Variants in ANK3 observed in about 807,000 individuals in gnomAD.
The protein encoded by ANK3 is ankyrin 3, also known as ankyrin-3.
In ANK3, 57 loss-of-function variants were observed where a neutral mutation model predicts 370.9. That is an observed-to-expected ratio of 0.15 (90% CI 0.12 to 0.19). The LOEUF is 0.19. ANK3 is among the 10% of genes least tolerant of loss of function. ANK3 has a pLI of 1.00. For missense variants in ANK3, 4,439 were observed against 5,302.1 expected, an observed-to-expected ratio of 0.84 and a Z score of 5.06; for synonymous variants, 1,929 against 1,946.3, an observed-to-expected ratio of 0.99 and a Z score of 0.23.
At chr10:60,286,124 C>T (rs1220454820) in intron 1 of ANK3, among the ~76,000 whole-genome samples, 1 of 152,146 alleles carries the variant, frequency 6.6e-6, no homozygotes, top group Non-Finnish European at 1.5e-5. Context: ...CCCACATACC[C>T]TCTTTTCAGC....
At chr10:60,617,686 C>G (rs2078283762) in intron 1 of ANK3, among the ~76,000 whole-genome samples, 2 of 152,150 alleles carry the variant, frequency 1.3e-5, no homozygotes, top group South Asian at 4.1e-4. Flanking sequence ...ACAGTATAAA[C>G]TTTATAGAGC....
At chr10:60,162,617 C>T (rs1033093125) in intron 23 of ANK3, among the ~76,000 whole-genome samples, 1 of 152,080 alleles carries the variant, frequency 6.6e-6, no homozygotes, top group African/African-American at 2.4e-5. Flanking sequence ...CAAACTTATA[C>T]CTACTTGATA....
upstream of ANK3, among the ~76,000 whole-genome samples, chr10:60,394,779 C>G (rs1020957236): frequency 1.3e-5 from 2 of 152,180 alleles, no homozygotes; most frequent in Non-Finnish European, 2.9e-5. Context: ...GAACCACATG[C>G]CACTTCCTCT....
chr10:60,522,749 AT>A (rs2133184746), intron 2 of ANK3, among the ~76,000 whole-genome samples: 1 of 152,252 alleles, frequency 6.6e-6, no homozygotes, highest in South Asian at 2.1e-4. Context: ...GTTAAAGGAT[AT>A]TTTTAAAGAC....
chr10:60,268,458 A>G (rs1248898835), intron 5 of ANK3, among the ~76,000 whole-genome samples: 1 of 152,184 alleles, frequency 6.6e-6, no homozygotes, highest in African/African-American at 2.4e-5. Flanking sequence ...TTGTATAAAT[A>G]TATGAACATT....
At position 60,551,239 on chromosome 10, in the gene ANK3, C is replaced by T. The variant is rs1159125129; in HGVS notation, c.96+63947G>A. ...TCAAAATGAAAAGGCATGGTCAATACATTCAATAACAGATCAAAGAACAAC... is the reference window on the plus strand; with the variant it reads ...TCAAAATGAAAAGGCATGGTCAATATATTCAATAACAGATCAAAGAACAAC... On this transcript the variant is annotated intron_variant, in intron 2 of 43. Coordinates refer to the ANK3 transcript ENST00000373827. 2.0e-5 allele frequency among the ~76,000 whole-genome samples: 3 copies of T among 152,044 alleles called. No individual in the cohort carries two copies. In the East Asian group the frequency reaches 5.8e-4, roughly 29 times the overall value.
chr10:60,684,941 G>T, intron 1 of ANK3: 1 of 1,524,520 alleles, frequency 6.6e-7, no homozygotes, highest in South Asian at 1.1e-5. Context: ...TCTCTTTCAG[G>T]AATTGAGAAA....
At chr10:60,464,380 A>G (rs2064962366) in intron 2 of ANK3, among the ~76,000 whole-genome samples, 1 of 152,176 alleles carries the variant, frequency 6.6e-6, no homozygotes. Flanking sequence ...TTTTTTCTGA[A>G]AACAAGATAA....
At chr10:60,437,960 T>C (rs1305407377) in intron 2 of ANK3, among the ~76,000 whole-genome samples, 1 of 152,214 alleles carries the variant, frequency 6.6e-6, no homozygotes, top group Middle Eastern at 3.2e-3. Flanking sequence ...TCTATGCTTT[T>C]ATTAAATTTC....
rs1398677237 is a variant in ANK3, at chr10:60,069,021, C to T, written c.11860G>A (p.Val3954Ile). 1.9e-6 allele frequency: 3 copies of T among 1,613,844 alleles called. No homozygotes were observed. In the East Asian group the frequency reaches 6.7e-5, roughly 36 times the overall value. Residue 3954 changes from valine to isoleucine, a missense_variant, in exon 37 of 44, where the codon GTA becomes ATA. Val to Ile is a conservative substitution (Grantham distance 29). Transcript: ENST00000280772. ...KQLPSKLPVK[V>I]RSTCVTTTTT... ...GTGGTAGTGACACAGGTGGATCTTACCTTTACTGGCAACTTGGATGGAAGC... is the reference window on the plus strand; with the variant it reads ...GTGGTAGTGACACAGGTGGATCTTATCTTTACTGGCAACTTGGATGGAAGC...
intron 2 of ANK3, among the ~76,000 whole-genome samples, chr10:60,571,021 A>G (rs2077582851): frequency 6.6e-6 from 1 of 150,986 alleles, no homozygotes; most frequent in Non-Finnish European, 1.5e-5. Context: ...AGACACTTAA[A>G]GCCATATCTT....
At chr10:60,110,733 C>G (rs775439300) in intron 26 of ANK3, among the ~76,000 whole-genome samples, 2 of 152,144 alleles carry the variant, frequency 1.3e-5, no homozygotes, top group African/African-American at 4.8e-5. Flanking sequence ...AGACAAAAAT[C>G]AAATCATTCC....
At chr10:60,435,067 C>T (rs1180360599) in intron 2 of ANK3, among the ~76,000 whole-genome samples, 1 of 152,188 alleles carries the variant, frequency 6.6e-6, no homozygotes, top group African/African-American at 2.4e-5. Flanking sequence ...ATGGACCAAC[C>T]TCATTCTTGA....
In ANK3 at chr10:60,073,965, T is replaced by C. The variant is rs144270555; in HGVS notation, c.6916A>G (p.Lys2306Glu). 1.3e-4 allele frequency: 202 copies of C among 1,613,938 alleles called. No individual in the cohort carries two copies. The highest frequency in any genetic ancestry group is 5.7e-4 in the Admixed American group (34 of 59,996). ...TGGGCTGAGGTTTCAGCAGCAGACT[T>C]GTGAACATCTGGAGACACTGCCGAC... ...HKSAVSPDVH[K>E]SAAETSAQHA... is the part of the protein sequence containing the mutation. The change falls in exon 37 of 44, where the codon AAG becomes GAG. Residue 2306 changes from lysine (K) to glutamate (E), a missense_variant. Around this residue, in one of 13 missense-constraint regions of ANK3, gnomAD observed 1,601 missense variants for 1,731.7 expected, o/e 0.92. Transcript: ENST00000280772.
At chr10:60,587,868 A>G (rs1431872166) in intron 2 of ANK3, among the ~76,000 whole-genome samples, 1 of 152,088 alleles carries the variant, frequency 6.6e-6, no homozygotes, top group Non-Finnish European at 1.5e-5. Flanking sequence ...TATTCCAGGT[A>G]ATAAGTTAAG....
intron 1 of ANK3, among the ~76,000 whole-genome samples, chr10:60,303,981 G>T (rs1293781723): frequency 6.6e-6 from 1 of 151,800 alleles, no homozygotes; most frequent in African/African-American, 2.4e-5. Context: ...GAACATGGAG[G>T]ACATTATGCT....
intron 1 of ANK3, among the ~76,000 whole-genome samples, chr10:60,350,283 A>C (rs1205758728): frequency 6.6e-6 from 1 of 152,128 alleles, no homozygotes. Context: ...CTTTAAGGAG[A>C]CCAGTTGTAT....
chr10:60,046,906 A>G (rs1295492937), intron 42 of ANK3, among the ~76,000 whole-genome samples: 3 of 149,570 alleles, frequency 2.0e-5, no homozygotes, highest in Non-Finnish European at 4.4e-5. Context: ...TCCCGGGTTC[A>G]TGCCATTCTC....
At position 60,061,623 on chromosome 10, in the gene ANK3, G is replaced by A. The variant is rs191409070; in HGVS notation, c.12595+1488C>T. Among the ~76,000 whole-genome samples, 81 of 151,934 alleles carry A rather than the reference G, an allele frequency of 5.3e-4. 2 individuals are homozygous for A. Among genetic ancestry groups the A allele is most frequent in the Admixed American group, 2.2e-3 (34 of 15,270 alleles). ...TATAAGACAAGGCCTCAAAGGGAGC[G>A]TTTTTCCAAGGTTCTATGGTCTTTA... On this transcript the variant is annotated intron_variant, in intron 40 of 43. Coordinates refer to ENST00000280772, the MANE Select transcript of ANK3 (RefSeq NM_020987.5).
Sources: gnomAD v4.1 joint callset for allele counts (sites outside exome capture counted in the v4.1 genomes callset) on GRCh38, gnomAD v4.1.1 for gene constraint, gnomAD v4.1.1 regional missense constraint, MANE v1.5 for transcripts, NCBI Gene and HGNC (gene_info 2026-07-23, HGNC 2026-07-21) for gene names.